The following SPHKAP variants were observed in gnomAD, a reference collection of about 807,000 sequenced individuals.
SPHKAP encodes the protein SPHK1 interactor, AKAP domain containing, also known as A-kinase anchor protein SPHKAP.
Under a neutral mutation model 137.5 loss-of-function variants are expected in SPHKAP, and 67 were observed. That is an observed-to-expected ratio of 0.49 (90% CI 0.40 to 0.60). The LOEUF (loss-of-function observed/expected upper bound fraction) is 0.60. SPHKAP is among the 20% of genes least tolerant of loss of function. The probability of loss-of-function intolerance (pLI) is 0.00; values close to 1 mark genes in which losing one functional copy is unlikely to be tolerated. For synonymous variants in SPHKAP, 813 were observed against 785.3 expected (o/e 1.04, Z -0.59); for missense variants, 2,097 against 2,069.3 (o/e 1.01, Z -0.26).
At chr2:228,027,634 C>A in intron 3 of SPHKAP, 91 bp from the exon 4 acceptor site, 1 of 1,245,602 alleles carries the variant, frequency 8.0e-7, no homozygotes, top group Non-Finnish European at 1.2e-6. Flanking sequence ...GGGGCAAATG[C>A]TTTGGGAGTC....
At chr2:228,163,748 G>A (rs1388232986) in intron 1 of SPHKAP, among the ~76,000 whole-genome samples, 1 of 152,192 alleles carries the variant, frequency 6.6e-6, no homozygotes, top group Non-Finnish European at 1.5e-5. Context: ...TGACCAACCT[G>A]TTGGGTGACT....
At chr2:228,107,507 C>T (rs1322117132) in intron 3 of SPHKAP, among the ~76,000 whole-genome samples, 1 of 152,138 alleles carries the variant, frequency 6.6e-6, no homozygotes, top group Non-Finnish European at 1.5e-5. Flanking sequence ...TTAAAGTTAG[C>T]ATTCTCATTG....
At chr2:228,038,828 C>A (rs1290089993) in intron 3 of SPHKAP, among the ~76,000 whole-genome samples, 1 of 152,176 alleles carries the variant, frequency 6.6e-6, no homozygotes, top group East Asian at 1.9e-4. Flanking sequence ...TTGTAATAAT[C>A]ATTTCCCTTA....
chr2:227,992,116 T>A (rs1388515671), intron 9 of SPHKAP, among the ~76,000 whole-genome samples: 1 of 152,146 alleles, frequency 6.6e-6, no homozygotes, highest in South Asian at 2.1e-4. Flanking sequence ...GAAGTGGCTA[T>A]CCTGGGAAGC....
intron 1 of SPHKAP, among the ~76,000 whole-genome samples, chr2:228,176,077 A>G (rs1398369347): frequency 6.6e-6 from 1 of 152,230 alleles, no homozygotes; most frequent in African/African-American, 2.4e-5. Context: ...CATTTCCCAG[A>G]TGATGAAAAT....
At chr2:228,065,755 A>C (rs1696804098) in intron 3 of SPHKAP, among the ~76,000 whole-genome samples, 1 of 152,062 alleles carries the variant, frequency 6.6e-6, no homozygotes. Context: ...CATCAGAATA[A>C]TTTTCTAGAG....
At chr2:228,088,690 T>G (rs62201075) in intron 3 of SPHKAP, among the ~76,000 whole-genome samples, 36,210 of 152,084 alleles carry the variant, frequency 0.24, 4,436 homozygotes, top group East Asian at 0.28. Context: ...CACCATCTAC[T>G]TAGTGATGAG....
intron 7 of SPHKAP, among the ~76,000 whole-genome samples, chr2:228,004,148 C>A (rs928994132): frequency 1.3e-5 from 2 of 152,190 alleles, no homozygotes; most frequent in South Asian, 2.1e-4. Context: ...ACCAGCTCCT[C>A]CTTGTACCTC....
intron 1 of SPHKAP, among the ~76,000 whole-genome samples, chr2:228,156,360 C>T (rs1384243543): frequency 1.3e-5 from 2 of 152,102 alleles, no homozygotes; most frequent in East Asian, 3.9e-4. Flanking sequence ...TTATATGTCC[C>T]GGGCCTTCTT....
At chr2:228,125,192 C>T (rs1559186852) in intron 2 of SPHKAP, among the ~76,000 whole-genome samples, 1 of 152,106 alleles carries the variant, frequency 6.6e-6, no homozygotes. Context: ...TGCAGAGACT[C>T]GGTTTCACTA....
chr2:228,037,958 A>G (rs559758626), intron 3 of SPHKAP, among the ~76,000 whole-genome samples: 1 of 152,224 alleles, frequency 6.6e-6, no homozygotes, highest in Admixed American at 6.5e-5. Context: ...TTAAGCAACC[A>G]CTAATGCTGA....
chr2:228,132,737 C>T (rs1170301154), intron 1 of SPHKAP, among the ~76,000 whole-genome samples: 2 of 151,882 alleles, frequency 1.3e-5, no homozygotes, highest in Non-Finnish European at 2.9e-5. Context: ...GTGGCTCATG[C>T]CTGTAATCAC....
At chr2:228,060,251 C>A (rs570864306) in intron 3 of SPHKAP, among the ~76,000 whole-genome samples, 55 of 152,196 alleles carry the variant, frequency 3.6e-4, no homozygotes, top group African/African-American at 1.3e-3. Flanking sequence ...GCTGGAAAAA[C>A]TGTAATGGGA....
intron 1 of SPHKAP, among the ~76,000 whole-genome samples, chr2:228,160,797 C>T (rs998258373): frequency 6.6e-6 from 1 of 152,188 alleles, no homozygotes; most frequent in South Asian, 2.1e-4. Context: ...ATTTTCAGTG[C>T]TCTGAACTCA....
At chr2:228,051,808 C>T (rs761740260) in intron 3 of SPHKAP, among the ~76,000 whole-genome samples, 14 of 152,144 alleles carry the variant, frequency 9.2e-5, no homozygotes, top group Non-Finnish European at 1.9e-4. Flanking sequence ...TCCTGTCTGG[C>T]GAGGGCCTGG....
At position 227,981,435 on chromosome 2, in the gene SPHKAP, T is replaced by C. The variant is rs186209995; in HGVS notation, c.*282A>G. 8.9e-4 allele frequency: 229 copies of C among 258,248 alleles called. No individual in the cohort carries two copies. Among genetic ancestry groups the C allele is most frequent in the Non-Finnish European group, 1.3e-3 (180 of 138,224 alleles). The allele number at this position is 258,248 out of a possible 1,614,324, so 16.0% of individuals were successfully genotyped here. A position where few individuals can be genotyped will look rare whatever the true frequency, so the allele number is the denominator to read the frequency against. ...TTGTTTTCCTGGAGATTGGGTCTCA[T>C]TATAAGCATTCTAATTTGGGCCCCA... is the stretch of plus-strand genomic sequence containing the variant. On this transcript the variant is annotated 3_prime_UTR_variant, in exon 12 of 12. Coordinates refer to ENST00000392056, the MANE Select transcript of SPHKAP (RefSeq NM_001142644.2).
chr2:228,015,255 A>C (rs1553612299), intron 7 of SPHKAP, among the ~76,000 whole-genome samples: 1 of 150,020 alleles, frequency 6.7e-6, no homozygotes. Context: ...TGAACTCATC[A>C]TTTTTTTATG....
chr2:228,168,412 T>C (rs1700483340), intron 1 of SPHKAP, among the ~76,000 whole-genome samples: 1 of 152,200 alleles, frequency 6.6e-6, no homozygotes, highest in African/African-American at 2.4e-5. Flanking sequence ...ATGTGTTCCC[T>C]TAATGTCTGT....
At chr2:228,157,504 G>C (rs1013369816) in intron 1 of SPHKAP, among the ~76,000 whole-genome samples, 2 of 152,142 alleles carry the variant, frequency 1.3e-5, no homozygotes, top group African/African-American at 4.8e-5. Flanking sequence ...AAAGAAAAAG[G>C]CAGGACCCAA....
Sources: gnomAD v4.1 joint callset for allele counts (sites outside exome capture counted in the v4.1 genomes callset) on GRCh38, gnomAD v4.1.1 for gene constraint, MANE v1.5 for transcripts, NCBI Gene and HGNC (gene_info 2026-07-23, HGNC 2026-07-21) for gene names.